The following GALNT18 variants were observed in gnomAD, a reference collection of about 807,000 sequenced individuals.
GALNT18 encodes GalNAc-transferase 18.
In GALNT18, 44 loss-of-function variants were observed where a neutral mutation model predicts 69.5. That is an observed-to-expected ratio of 0.63 (90% confidence interval 0.50 to 0.81). The LOEUF is 0.81. GALNT18 is among the 40% of genes least tolerant of loss of function. GALNT18 has a pLI of 0.00. For missense variants in GALNT18, 715 were observed against 810.0 expected, an observed-to-expected ratio of 0.88 and a Z score of 1.42; for synonymous variants, 364 against 318.2, an observed-to-expected ratio of 1.14 and a Z score of -1.53.
rs140076439 is a variant in GALNT18, at chr11:11,284,103, A to G, written c.1677+8926T>C. Among the ~76,000 whole-genome samples, 125 of 152,336 alleles carry G rather than the reference A, an allele frequency of 8.2e-4. 4 individuals are homozygous for G. In the East Asian group the frequency reaches 0.024, roughly 29 times the overall value. On this transcript the variant is annotated intron_variant, in intron 10 of 10. Coordinates refer to ENST00000227756, the MANE Select transcript of GALNT18 (RefSeq NM_198516.3). ...AGTCTTGTCACTTGCAAAAGGAGAC[A>G]GAGCATGCTGAGGCACTCAATTTGT...
chr11:11,518,560 G>C lies in GALNT18; in HGVS notation c.236-69624C>G, dbSNP rs566065340. ...TAAAAAATCTGAGGGTGGAGTGCAG[G>C]GCATGCCAGATCCTGGCATCTAAAC... On this transcript the variant is annotated intron_variant, in intron 1 of 10. Transcript: ENST00000227756. Among the ~76,000 whole-genome samples the C allele has an allele frequency of 5.9e-5, 9 of 152,308 alleles. No individual in the cohort carries two copies. In the East Asian group the frequency reaches 1.7e-3, roughly 29 times the overall value.
chr11:11,507,768 A>C (rs1444990541), intron 1 of GALNT18, among the ~76,000 whole-genome samples: 1 of 152,230 alleles, frequency 6.6e-6, no homozygotes, highest in Non-Finnish European at 1.5e-5. Context: ...CATTTGAGTC[A>C]GTGGACTGGG....
rs1285043904 is a variant in GALNT18 at position 11,470,458 on chromosome 11, G to A, written c.236-21522C>T. On this transcript the variant is annotated intron_variant, in intron 1 of 10. Coordinates refer to ENST00000227756, the MANE Select transcript of GALNT18 (RefSeq NM_198516.3). The surrounding 1 kb of genome is among the most constrained non-coding windows in gnomAD (Gnocchi z 4.8). Reference sequence around the variant, plus strand: ...CTCACTTTCCCTCTGTCATCAGTGTGTGAGGAAGGCGCTATCCTCCACGCA... The same window carrying A: ...CTCACTTTCCCTCTGTCATCAGTGTATGAGGAAGGCGCTATCCTCCACGCA... Among the ~76,000 whole-genome samples, 1 of 152,206 alleles carries A rather than the reference G, an allele frequency of 6.6e-6. No individual in the cohort carries two copies. Among genetic ancestry groups the A allele is most frequent in the Non-Finnish European group, 1.5e-5 (1 of 68,034 alleles).
At chr11:11,443,458 T>C (rs1855576307) in intron 2 of GALNT18, among the ~76,000 whole-genome samples, 1 of 152,046 alleles carries the variant, frequency 6.6e-6, no homozygotes, top group Admixed American at 6.6e-5. Flanking sequence ...GCCTCTGTAG[T>C]CCACACCCCA....
intron 1 of GALNT18, among the ~76,000 whole-genome samples, chr11:11,472,290 C>T (rs1856290636): frequency 6.6e-6 from 1 of 152,168 alleles, no homozygotes; most frequent in South Asian, 2.1e-4. Flanking sequence ...CAGGACAGGT[C>T]TGGGGCTGGA....
chr11:11,599,066 G>A (rs1296508875), intron 1 of GALNT18, among the ~76,000 whole-genome samples: 1 of 151,706 alleles, frequency 6.6e-6, no homozygotes, highest in Non-Finnish European at 1.5e-5. Flanking sequence ...TGTGTATTCT[G>A]CTGTTATTAA....
intron 1 of GALNT18, among the ~76,000 whole-genome samples, chr11:11,594,828 T>TAC (rs1859447915): frequency 6.7e-5 from 2 of 29,914 alleles, no homozygotes; most frequent in South Asian, 4.3e-3. Context: ...TATATATATA[T>TAC]ATATATATAT....
intron 1 of GALNT18, among the ~76,000 whole-genome samples, chr11:11,609,556 G>A (rs1302307935): frequency 6.6e-6 from 1 of 152,202 alleles, no homozygotes; most frequent in African/African-American, 2.4e-5. Context: ...CGCTTGTTCA[G>A]TGAAGGAGGG....
intron 1 of GALNT18, among the ~76,000 whole-genome samples, chr11:11,548,202 G>T (rs1858106902): frequency 6.6e-6 from 1 of 152,212 alleles, no homozygotes; most frequent in South Asian, 2.1e-4. Flanking sequence ...GCCAGCACAG[G>T]CTGCAATCTG....
At chr11:11,395,609 C>T (rs2133724874) in intron 3 of GALNT18, among the ~76,000 whole-genome samples, 1 of 152,316 alleles carries the variant, frequency 6.6e-6, no homozygotes, top group Non-Finnish European at 1.5e-5. Context: ...ATAGAAGTGG[C>T]CACTGCACTT....
At position 11,541,740 on chromosome 11, in the gene GALNT18, C is replaced by T. The variant is rs893066073; in HGVS notation, c.235+79619G>A. Among the ~76,000 whole-genome samples the T allele has an allele frequency of 1.3e-5, 2 of 149,446 alleles. No homozygotes were observed. Among genetic ancestry groups the T allele is most frequent in the Non-Finnish European group, 3.0e-5 (2 of 67,564 alleles). ...GTCGCTAGTAGCCTTGGGGATTCCT[C>T]CCTTCAGCCAAGCCTCCCAGAGAAA... On this transcript the variant is annotated intron_variant, in intron 1 of 10. Transcript: ENST00000227756. The surrounding 1 kb of genome is among the most constrained non-coding windows in gnomAD (Gnocchi z 4.8).
Position 11,435,787 on chromosome 11 carries a change from C to T in GALNT18, c.429-3000G>A, listed in dbSNP as rs1486065297. Among the ~76,000 whole-genome samples the T allele has an allele frequency of 1.3e-5, 2 of 152,170 alleles. No individual in the cohort carries two copies. The highest frequency in any genetic ancestry group is 2.4e-5 in the African/African-American group (1 of 41,438). ...CTCCCTTGGAAGGAGAGTCAGGTCCCGGTCCTCCCGCCGACCAGCAGGCTC... is the reference window on the plus strand; with the variant it reads ...CTCCCTTGGAAGGAGAGTCAGGTCCTGGTCCTCCCGCCGACCAGCAGGCTC... On this transcript the variant is annotated intron_variant, in intron 2 of 10. Transcript: ENST00000227756. The surrounding 1 kb of genome is among the most constrained non-coding windows in gnomAD (Gnocchi z 4.4).
chr11:11,434,122 C>T (rs1399271332), intron 2 of GALNT18, among the ~76,000 whole-genome samples: 1 of 152,092 alleles, frequency 6.6e-6, no homozygotes, highest in East Asian at 1.9e-4. Context: ...CCATGGGGCC[C>T]CAGCCTGCTT....
At chr11:11,406,652 C>T (rs1452295777) in intron 3 of GALNT18, among the ~76,000 whole-genome samples, 2 of 152,200 alleles carry the variant, frequency 1.3e-5, no homozygotes, top group Non-Finnish European at 2.9e-5. Context: ...AAATGCCATA[C>T]AAGTCGGGGC....
chr11:11,607,424 T>G (rs1184495131), intron 1 of GALNT18, among the ~76,000 whole-genome samples: 2 of 152,188 alleles, frequency 1.3e-5, no homozygotes, highest in Admixed American at 1.3e-4. Context: ...TCCCTCAGTT[T>G]TCTGCTATCA....
chr11:11,342,431 C>A (rs1449114686), intron 6 of GALNT18, among the ~76,000 whole-genome samples: 1 of 152,076 alleles, frequency 6.6e-6, no homozygotes, highest in Non-Finnish European at 1.5e-5. Context: ...TAACATGTAC[C>A]CATCAACAAC....
At chr11:11,399,997 T>C (rs1424402186) in intron 3 of GALNT18, among the ~76,000 whole-genome samples, 3 of 152,260 alleles carry the variant, frequency 2.0e-5, no homozygotes, top group Non-Finnish European at 4.4e-5. Flanking sequence ...TTCTATTTAA[T>C]TGAGTGTGGG....
intron 10 of GALNT18, among the ~76,000 whole-genome samples, chr11:11,285,161 C>T (rs1232646329): frequency 6.6e-6 from 1 of 151,998 alleles, no homozygotes; most frequent in African/African-American, 2.4e-5. Context: ...CAGGGAGGCC[C>T]CAGCCCCAAA....
intron 1 of GALNT18, among the ~76,000 whole-genome samples, chr11:11,548,818 C>G (rs1174086862): frequency 6.6e-6 from 1 of 152,230 alleles, no homozygotes; most frequent in African/African-American, 2.4e-5. Flanking sequence ...TGGCAGAAAA[C>G]TCAACACAAA....
Sources: allele counts gnomAD v4.1 joint callset (sites outside exome capture counted in the v4.1 genomes callset), GRCh38; gene constraint gnomAD v4.1.1; non-coding constraint Gnocchi (gnomAD v3.1); transcripts MANE v1.5; gene names NCBI Gene and HGNC (gene_info 2026-07-23, HGNC 2026-07-21).